The following MAP2 variants were observed in gnomAD, a reference collection of about 807,000 sequenced individuals.
The protein encoded by MAP2 is microtubule associated protein 2.
Under a neutral mutation model 137.6 loss-of-function variants are expected in MAP2, and 14 were observed. That is an observed-to-expected ratio of 0.10 (90% confidence interval 0.07 to 0.16). The LOEUF (loss-of-function observed/expected upper bound fraction) is 0.16, where lower values mean the gene tolerates loss of function less well. Ranked by LOEUF, MAP2 falls within the 10% of genes least tolerant of loss-of-function variation. MAP2 has a pLI of 1.00. For synonymous variants in MAP2, 786 were observed against 782.3 expected (o/e 1.00, Z -0.08); for missense variants, 2,088 against 2,191.5 (o/e 0.95, Z 0.94).
intron 3 of MAP2, among the ~76,000 whole-genome samples, chr2:209,623,072 T>C (rs550665364): frequency 6.6e-6 from 1 of 152,264 alleles, no homozygotes; most frequent in African/African-American, 2.4e-5. Context: ...TTTTTTTTAG[T>C]GTTGTTTTTA....
intron 11 of MAP2, among the ~76,000 whole-genome samples, chr2:209,701,567 A>G (rs1339459984): frequency 6.6e-6 from 1 of 152,060 alleles, no homozygotes; most frequent in Non-Finnish European, 1.5e-5. Context: ...CACAATTCTT[A>G]GCTTACCCTT....
intron 1 of MAP2, among the ~76,000 whole-genome samples, chr2:209,503,383 A>T (rs288062): frequency 0.61 from 92,485 of 151,694 alleles, 28,633 homozygotes; most frequent in Middle Eastern, 0.67. Context: ...TTTTATTTTG[A>T]TGATTGTTTC....
intron 13 of MAP2, among the ~76,000 whole-genome samples, chr2:209,716,575 T>C (rs2153789514): frequency 6.6e-6 from 1 of 152,306 alleles, no homozygotes; most frequent in Middle Eastern, 3.4e-3. Flanking sequence ...TTTTAGTGTA[T>C]TTTATGTGTG....
In MAP2 at chr2:209,608,660, A is replaced by T. The variant is rs1292776559; in HGVS notation, c.-106-16393A>T. Among the ~76,000 whole-genome samples the T allele has an allele frequency of 2.6e-5, 4 of 152,144 alleles. 1 individual carries two copies. In the East Asian group the frequency reaches 7.7e-4, roughly 29 times the overall value. ...ACGAGGCCATCCATTTCAATTCTAG[A>T]TTAATCTTTGTGAAACACAACTAAT... On this transcript the variant is annotated intron_variant, in intron 3 of 15. Coordinates refer to ENST00000682079, the MANE Select transcript of MAP2 (RefSeq NM_001375505.1).
At chr2:209,458,200 C>T (rs1284493044) in intron 1 of MAP2, among the ~76,000 whole-genome samples, 1 of 152,062 alleles carries the variant, frequency 6.6e-6, no homozygotes, top group Non-Finnish European at 1.5e-5. Context: ...CAGTGAGAAA[C>T]CACCTGTTAG....
At position 209,472,631 on chromosome 2, in the gene MAP2, A is replaced by C. The variant is rs899767037; in HGVS notation, c.-221-34961A>C. On this transcript the variant is annotated intron_variant, in intron 1 of 15. Coordinates refer to ENST00000682079, the MANE Select transcript of MAP2 (RefSeq NM_001375505.1). Reference sequence around the variant, plus strand: ...TACCTCTTTGTGAATGAAAGAAGAGAAGTTAAGCACTAATTACCAAAGACC... The same window carrying C: ...TACCTCTTTGTGAATGAAAGAAGAGCAGTTAAGCACTAATTACCAAAGACC... 2.0e-5 allele frequency among the ~76,000 whole-genome samples: 3 copies of C among 152,258 alleles called. No individual in the cohort carries two copies. In the South Asian group the frequency reaches 6.2e-4, roughly 32 times the overall value.
In MAP2 at chr2:209,678,569, C is replaced by T; in HGVS notation, c.263-3C>T. The T allele has an allele frequency of 1.3e-6, 2 of 1,483,642 alleles. No homozygotes were observed. Among genetic ancestry groups the T allele is most frequent in the Admixed American group, 2.0e-5 (1 of 49,562 alleles). The allele number at this position is 1,483,642 out of a possible 1,614,324, so 91.9% of individuals were successfully genotyped here. ...TATTTTATTTTGTTACTGTTTATTA[C>T]AGAGGAGGTGTCTGCAAGGATAGTT... is the stretch of plus-strand genomic sequence containing the variant. On this transcript the variant is annotated splice_region_variant and splice_polypyrimidine_tract_variant and intron_variant, in intron 5 of 15. Coordinates refer to ENST00000682079, the MANE Select transcript of MAP2 (RefSeq NM_001375505.1).
chr2:209,520,507 C>T (rs1341267113), intron 2 of MAP2, among the ~76,000 whole-genome samples: 2 of 151,954 alleles, frequency 1.3e-5, no homozygotes, highest in African/African-American at 4.8e-5. Context: ...AATTTTAGTT[C>T]TCTGTGCAAG....
At chr2:209,704,359 GTTTC>G (rs1248527236) in intron 11 of MAP2, 5 of 1,117,842 alleles carry the variant, frequency 4.5e-6, no homozygotes, top group Non-Finnish European at 6.2e-6. Flanking sequence ...AAGACTTTGA[GTTTC>G]TTATATGTTT....
intron 4 of MAP2, among the ~76,000 whole-genome samples, chr2:209,629,193 T>G (rs1057300070): frequency 6.6e-6 from 1 of 152,220 alleles, no homozygotes; most frequent in African/African-American, 2.4e-5. Flanking sequence ...CCTTGCAGTC[T>G]TTTAACTAAA....
intron 2 of MAP2, among the ~76,000 whole-genome samples, chr2:209,548,970 G>GC (rs2068628771): frequency 6.6e-6 from 1 of 152,136 alleles, no homozygotes; most frequent in Non-Finnish European, 1.5e-5. Context: ...AGCAGTGTAA[G>GC]AATGAACTAG....
At position 209,699,776 on chromosome 2, in the gene MAP2, T is replaced by A. The variant is rs1583877197; in HGVS notation, c.4523-501T>A. ...ATGAAGGGATACAAAGGGAAAGGGGTTAGCTGATCATGACAGTTTGAAATG... is the reference window on the plus strand; with the variant it reads ...ATGAAGGGATACAAAGGGAAAGGGGATAGCTGATCATGACAGTTTGAAATG... On this transcript the variant is annotated intron_variant, in intron 10 of 15. Transcript: ENST00000682079. 1.3e-5 allele frequency among the ~76,000 whole-genome samples: 2 copies of A among 152,270 alleles called. 1 individual carries two copies. The highest frequency in any genetic ancestry group is 4.1e-4 in the South Asian group (2 of 4,820).
At chr2:209,591,944 T>A (rs542565344) in intron 3 of MAP2, among the ~76,000 whole-genome samples, 95 of 152,350 alleles carry the variant, frequency 6.2e-4, no homozygotes, top group African/African-American at 2.1e-3. Flanking sequence ...TCAAAAATAT[T>A]TTGAATATAT....
intron 2 of MAP2, among the ~76,000 whole-genome samples, chr2:209,554,810 C>A (rs1313755493): frequency 6.6e-6 from 1 of 150,732 alleles, no homozygotes; most frequent in Non-Finnish European, 1.5e-5. Flanking sequence ...ATTTTAGATT[C>A]ATTTCGGTAG....
At chr2:209,462,921 A>C (rs1703184270) in intron 1 of MAP2, among the ~76,000 whole-genome samples, 1 of 152,122 alleles carries the variant, frequency 6.6e-6, no homozygotes, top group African/African-American at 2.4e-5. Context: ...CTTTAAATGA[A>C]AAGAGATTTT....
At chr2:209,665,384 A>C (rs1412107937) in intron 5 of MAP2, among the ~76,000 whole-genome samples, 1 of 152,194 alleles carries the variant, frequency 6.6e-6, no homozygotes, top group East Asian at 1.9e-4. Context: ...CCAGTGTAAT[A>C]ATTGGCTTAG....
chr2:209,544,918 T>C (rs2067749528), intron 2 of MAP2, among the ~76,000 whole-genome samples: 1 of 152,224 alleles, frequency 6.6e-6, no homozygotes, highest in Non-Finnish European at 1.5e-5. Flanking sequence ...TGCATCAGCC[T>C]TTGTAAAACC....
intron 5 of MAP2, among the ~76,000 whole-genome samples, chr2:209,656,391 C>T (rs1376753074): frequency 6.6e-6 from 1 of 152,000 alleles, no homozygotes; most frequent in Non-Finnish European, 1.5e-5. Flanking sequence ...CACCTGTGGT[C>T]CCAGCTACTC....
intron 5 of MAP2, among the ~76,000 whole-genome samples, chr2:209,655,185 A>G (rs1373470103): frequency 1.3e-5 from 2 of 152,260 alleles, no homozygotes; most frequent in African/African-American, 4.8e-5. Context: ...TGATGGGTTT[A>G]GGAACATCCA....
Sources: gnomAD v4.1 joint callset for allele counts (sites outside exome capture counted in the v4.1 genomes callset) on GRCh38, gnomAD v4.1.1 for gene constraint, MANE v1.5 for transcripts, NCBI Gene and HGNC (gene_info 2026-07-23, HGNC 2026-07-21) for gene names.